The following DNAH11 variants were observed in gnomAD, a reference collection of about 807,000 sequenced individuals.
The protein encoded by DNAH11 is dynein axonemal heavy chain 11.
In DNAH11, 442 loss-of-function variants were observed where a neutral mutation model predicts 526.0. The ratio of observed to expected loss-of-function variants is 0.84; its 90% CI spans 0.78 to 0.91. The LOEUF is 0.91. Among genes scored for constraint, DNAH11 ranks in the 40% least tolerant of loss-of-function variants. The pLI is 0.00. For missense variants in DNAH11, 6,989 were observed against 5,448.7 expected (o/e 1.28, Z -8.90); for synonymous variants, 2,461 against 1,935.9 (o/e 1.27, Z -7.12).
intron 47 of DNAH11, among the ~76,000 whole-genome samples, chr7:21,739,082 C>T (rs1468553445): frequency 6.6e-6 from 1 of 152,044 alleles, no homozygotes; most frequent in African/African-American, 2.4e-5. Context: ...CCCTTTGTAT[C>T]TTTGGAAGAT....
At chr7:21,850,080 G>C (rs1477650857) in intron 66 of DNAH11, among the ~76,000 whole-genome samples, 3 of 151,378 alleles carry the variant, frequency 2.0e-5, no homozygotes, top group Admixed American at 6.6e-5. Context: ...TCTTCAGCCG[G>C]GCACGGTGGC....
At chr7:21,566,678 C>A (rs1783681826) in intron 6 of DNAH11, among the ~76,000 whole-genome samples, 1 of 151,362 alleles carries the variant, frequency 6.6e-6, no homozygotes, top group Non-Finnish European at 1.5e-5. Context: ...AGAGTTCTCA[C>A]CCGTTATACC....
intron 18 of DNAH11, 42 bp from the exon 19 acceptor site, chr7:21,606,384 A>G (rs770685266): frequency 1.4e-5 from 20 of 1,444,574 alleles, no homozygotes; most frequent in Non-Finnish European, 1.9e-5. Context: ...GATTTGTTTT[A>G]GGAATTGAAG....
chr7:21,663,824 C>T (rs889886330), intron 30 of DNAH11, among the ~76,000 whole-genome samples: 2 of 150,982 alleles, frequency 1.3e-5, no homozygotes, highest in African/African-American at 4.9e-5. Context: ...TTTATTCGTC[C>T]ATTGATGGAG....
chr7:21,618,480 C>T (rs141710979), intron 23 of DNAH11: 1 of 152,386 alleles, frequency 6.6e-6, no homozygotes, highest in Non-Finnish European at 1.5e-5. Context: ...TTGGGTATGT[C>T]GAAGAGCTGA....
At chr7:21,880,556 C>G in intron 74 of DNAH11, 146 bp from the exon 75 acceptor site, 1 of 765,000 alleles carries the variant, frequency 1.3e-6, no homozygotes, top group Non-Finnish European at 2.1e-6. Context: ...TCCTGTTAAG[C>G]TTCTCATTGG....
At chr7:21,758,342 A>G (rs1320492214) in intron 54 of DNAH11, among the ~76,000 whole-genome samples, 5 of 152,246 alleles carry the variant, frequency 3.3e-5, no homozygotes, top group African/African-American at 1.2e-4. Context: ...TAAAACAGCA[A>G]AACCTCAAAA....
At chr7:21,632,366 A>G (rs1347322163) in intron 25 of DNAH11, among the ~76,000 whole-genome samples, 1 of 152,194 alleles carries the variant, frequency 6.6e-6, no homozygotes, top group African/African-American at 2.4e-5. Flanking sequence ...TTCTGCAGTC[A>G]GGTTGAATTT....
chr7:21,561,036 T>C (rs1290135528), intron 4 of DNAH11, 35 bp from the exon 5 acceptor site: 2 of 1,415,144 alleles, frequency 1.4e-6, no homozygotes, highest in African/African-American at 2.9e-5. Flanking sequence ...CGAGTTTATA[T>C]TTATTAAAGT....
intron 25 of DNAH11, among the ~76,000 whole-genome samples, chr7:21,629,517 A>G (rs141641414): frequency 2.5e-3 from 388 of 152,232 alleles, no homozygotes; most frequent in Non-Finnish European, 4.1e-3. Flanking sequence ...AAAGTCCTGT[A>G]CTATCATTGT....
At chr7:21,750,135 T>C in intron 53 of DNAH11, 87 bp from the exon 54 acceptor site, 1 of 1,434,248 alleles carries the variant, frequency 7.0e-7, no homozygotes, top group South Asian at 1.5e-5. Flanking sequence ...GAACTTTGTC[T>C]TGTAAAACAT....
intron 20 of DNAH11, among the ~76,000 whole-genome samples, chr7:21,613,029 C>T (rs1046515428): frequency 1.3e-5 from 2 of 151,846 alleles, no homozygotes; most frequent in African/African-American, 2.4e-5. Flanking sequence ...AAATACTATA[C>T]GATAGGGAAC....
At chr7:21,634,974 A>C (rs1159841229) in intron 25 of DNAH11, among the ~76,000 whole-genome samples, 1 of 152,224 alleles carries the variant, frequency 6.6e-6, no homozygotes, top group Non-Finnish European at 1.5e-5. Flanking sequence ...AACATGAGAA[A>C]CAAAAACCAC....
At chr7:21,789,367 A>G in intron 61 of DNAH11, 25 bp downstream of exon 61, 2 of 1,520,414 alleles carry the variant, frequency 1.3e-6, no homozygotes, top group East Asian at 4.9e-5. Flanking sequence ...TGACATTGAA[A>G]AGGTTCCCAA....
At chr7:21,545,274 T>TTAAAAAAAAAA (rs1392917651) in intron 2 of DNAH11, 125 bp downstream of exon 2, 2 of 120,222 alleles carry the variant, frequency 1.7e-5, no homozygotes, top group Non-Finnish European at 2.7e-5. Context: ...TGGGGGTGGT[T>TTAAAAAAAAAA]AAAAAAAAAA....
At position 21,687,291 on chromosome 7, in the gene DNAH11, T is replaced by A. The variant is rs368076535; in HGVS notation, c.5778+36T>A. Reference sequence around the variant, plus strand: ...AAGAGAATAATGTGTAAAACTTTATTCTCTAACATTATTCCTGATTGGGAA... The same window carrying A: ...AAGAGAATAATGTGTAAAACTTTATACTCTAACATTATTCCTGATTGGGAA... On this transcript the variant is annotated intron_variant, in intron 33 of 81. Coordinates refer to ENST00000409508, the MANE Select transcript of DNAH11 (RefSeq NM_001277115.2). 1.1e-4 allele frequency: 171 copies of A among 1,552,472 alleles called. 2 individuals carry two copies. In the African/African-American group the frequency reaches 2.1e-3, roughly 19 times the overall value.
chr7:21,843,852 G>A (rs1348229571), intron 66 of DNAH11, among the ~76,000 whole-genome samples: 2 of 152,114 alleles, frequency 1.3e-5, no homozygotes, highest in East Asian at 3.8e-4. Flanking sequence ...GAATTTATGT[G>A]CTAACCTGGG....
At chr7:21,895,517 T>A (rs1356200100) in intron 79 of DNAH11, among the ~76,000 whole-genome samples, 3 of 152,186 alleles carry the variant, frequency 2.0e-5, no homozygotes, top group Non-Finnish European at 4.4e-5. Context: ...ATTCACAGAT[T>A]ACTGAATGTA....
At chr7:21,647,431 T>G (rs78766097) in intron 28 of DNAH11, among the ~76,000 whole-genome samples, 1 of 131,076 alleles carries the variant, frequency 7.6e-6, no homozygotes, top group Non-Finnish European at 1.6e-5. Context: ...TTCTTTCTTT[T>G]TTTTTTTTTT....
Sources: gnomAD v4.1 joint callset for allele counts (sites outside exome capture counted in the v4.1 genomes callset) on GRCh38, gnomAD v4.1.1 for gene constraint, MANE v1.5 for transcripts, NCBI Gene and HGNC (gene_info 2026-07-23, HGNC 2026-07-21) for gene names.